The following FAF1 variants were observed in gnomAD, a reference collection of about 807,000 sequenced individuals.
FAF1 encodes the protein FAS-associated factor 1.
A neutral mutation model predicts 92.5 loss-of-function variants in FAF1; 25 were observed. The observed-to-expected ratio is 0.27, with a 90% CI of 0.20 to 0.38. The LOEUF (loss-of-function observed/expected upper bound fraction) is 0.38, where lower values mean the gene tolerates loss of function less well. FAF1 is among the 10% of genes least tolerant of loss of function. FAF1 has a pLI of 1.00. For synonymous variants in FAF1, 234 were observed against 273.2 expected (o/e 0.86, Z 1.42); for missense variants, 636 against 793.3 (o/e 0.80, Z 2.38).
chr1:50,888,184 T>C (rs912634599), intron 1 of FAF1, among the ~76,000 whole-genome samples: 43 of 152,346 alleles, frequency 2.8e-4, no homozygotes, highest in Admixed American at 2.0e-3. Context: ...GTTTGTCTGT[T>C]ATTGGTGTAT....
chr1:50,792,047 G>A (rs896381618), intron 3 of FAF1, among the ~76,000 whole-genome samples: 2 of 152,060 alleles, frequency 1.3e-5, no homozygotes, highest in African/African-American at 2.4e-5. Flanking sequence ...AGCTAATTAC[G>A]ATGATATGCC....
intron 2 of FAF1, among the ~76,000 whole-genome samples, chr1:50,802,011 T>C (rs1028362853): frequency 1.3e-5 from 2 of 152,060 alleles, no homozygotes; most frequent in African/African-American, 4.8e-5. Context: ...CTTCATCTTA[T>C]AAACATTATT....
At chr1:50,925,991 G>A (rs985639274) in intron 1 of FAF1, among the ~76,000 whole-genome samples, 1 of 152,204 alleles carries the variant, frequency 6.6e-6, no homozygotes, top group African/African-American at 2.4e-5. Flanking sequence ...TGAGGCAGGA[G>A]GGTCGCTTAA....
At chr1:50,766,804 A>AC (rs1263009634) in intron 4 of FAF1, among the ~76,000 whole-genome samples, 1 of 151,278 alleles carries the variant, frequency 6.6e-6, no homozygotes, top group African/African-American at 2.4e-5. Flanking sequence ...AAAAAAAAAA[A>AC]AAAAAAAACC....
chr1:50,868,021 C>T (rs1367254906), intron 1 of FAF1, among the ~76,000 whole-genome samples: 2 of 152,138 alleles, frequency 1.3e-5, no homozygotes, highest in Non-Finnish European at 2.9e-5. Context: ...AATAATGGCA[C>T]TCACAGCAAC....
intron 8 of FAF1, among the ~76,000 whole-genome samples, chr1:50,620,393 C>T (rs1653138553): frequency 6.6e-6 from 1 of 152,204 alleles, no homozygotes. Flanking sequence ...TTGTAGTAAA[C>T]TTAGCAGCTC....
At chr1:50,705,925 A>C (rs1434050267) in intron 6 of FAF1, 34 bp from the exon 7 acceptor site, 2 of 1,321,426 alleles carry the variant, frequency 1.5e-6, no homozygotes, top group Non-Finnish European at 1.1e-6. Context: ...AGGAACTCAG[A>C]GATGAACAAG....
At chr1:50,739,359 T>G (rs904653697) in intron 5 of FAF1, among the ~76,000 whole-genome samples, 1 of 152,098 alleles carries the variant, frequency 6.6e-6, no homozygotes, top group Non-Finnish European at 1.5e-5. Flanking sequence ...CATGTGTACA[T>G]GTGTACACGT....
At chr1:50,519,906 T>A (rs1196475755) in intron 15 of FAF1, among the ~76,000 whole-genome samples, 1 of 152,212 alleles carries the variant, frequency 6.6e-6, no homozygotes, top group Non-Finnish European at 1.5e-5. Flanking sequence ...ACCCTACATG[T>A]ATCTCCATCA....
chr1:50,516,684 T>A (rs767470385), intron 15 of FAF1, among the ~76,000 whole-genome samples: 8 of 152,190 alleles, frequency 5.3e-5, no homozygotes, highest in Non-Finnish European at 1.0e-4. Context: ...GTAGGTTTGT[T>A]CTCCATGGTT....
chr1:50,567,152 T>A lies in FAF1; in HGVS notation c.1193A>T (p.Glu398Val). The change falls in exon 13 of 19, where the codon GAA (glutamate) becomes GTA (valine). Residue 398 changes from glutamate to valine, a missense_variant. By Grantham distance (121) the Glu-to-Val change is moderately radical. Transcript: ENST00000396153. ...NVFCSQMLCA[E>V]SIVSYLSQNF... ...TTGACTCAGATAAGAAACAATGGAT[T>A]CAGCACAAAGCATTTGTGAGCAGAA... 6.2e-7 allele frequency: 1 copy of A among 1,610,852 alleles called. No homozygotes were observed. Among genetic ancestry groups the A allele is most frequent in the South Asian group, 1.1e-5 (1 of 90,658 alleles).
chr1:50,785,966 T>C (rs1225195634), intron 4 of FAF1, among the ~76,000 whole-genome samples: 4 of 150,912 alleles, frequency 2.7e-5, no homozygotes, highest in Non-Finnish European at 5.9e-5. Flanking sequence ...ACTCCTTCTC[T>C]ACAAAGAAAA....
At chr1:50,460,900 GTCTTGGCCTCCCAAA>G (rs1476867003) in intron 18 of FAF1, among the ~76,000 whole-genome samples, 5 of 152,102 alleles carry the variant, frequency 3.3e-5, no homozygotes, top group African/African-American at 1.2e-4. Flanking sequence ...CCTTCCTTCT[GTCTTGGCCTCCCAAA>G]GTGCTAGGAT....
At chr1:50,559,663 C>T (rs140464158) in intron 13 of FAF1, among the ~76,000 whole-genome samples, 30 of 152,118 alleles carry the variant, frequency 2.0e-4, no homozygotes, top group Admixed American at 6.5e-4. Context: ...CTGTTAAGAC[C>T]GCCACTAAAA....
intron 12 of FAF1, among the ~76,000 whole-genome samples, chr1:50,574,896 C>CTGTTTTTTTTTTTTTTTTTTTTTT (rs1558000811): frequency 7.3e-5 from 9 of 122,882 alleles, no homozygotes; most frequent in African/African-American, 2.0e-4. Context: ...GTTGTATTAA[C>CTGTTTTTTTTTTTTTTTTTTTTTT]TCTTTTTTTT....
intron 14 of FAF1, among the ~76,000 whole-genome samples, chr1:50,537,320 C>A (rs541456023): frequency 2.0e-5 from 3 of 152,134 alleles, no homozygotes; most frequent in Non-Finnish European, 4.4e-5. Flanking sequence ...GCTCCATTGC[C>A]AAACTGGACT....
At chr1:50,734,720 C>T (rs547429796) in intron 6 of FAF1, among the ~76,000 whole-genome samples, 55 of 145,196 alleles carry the variant, frequency 3.8e-4, no homozygotes, top group African/African-American at 9.5e-4. Flanking sequence ...GGCGATAGAG[C>T]GAGACTCCAT....
chr1:50,685,760 C>T (rs1367427009), intron 7 of FAF1, among the ~76,000 whole-genome samples: 2 of 152,104 alleles, frequency 1.3e-5, no homozygotes, highest in African/African-American at 2.4e-5. Context: ...AAGTATAAAA[C>T]ATTAACTCAA....
chr1:50,887,319 G>A (rs531536039), intron 1 of FAF1, among the ~76,000 whole-genome samples: 7 of 151,952 alleles, frequency 4.6e-5, no homozygotes, highest in Non-Finnish European at 7.4e-5. Flanking sequence ...TCTCCCATTC[G>A]GTAGGTTGCC....
Sources: allele counts gnomAD v4.1 joint callset (sites outside exome capture counted in the v4.1 genomes callset), GRCh38; gene constraint gnomAD v4.1.1; transcripts MANE v1.5; gene names NCBI Gene and HGNC (gene_info 2026-07-23, HGNC 2026-07-21).